PRKAB1: variants seen among roughly 807,000 people sequenced by gnomAD.
PRKAB1 encodes the protein 5'-AMP-activated protein kinase subunit beta-1.
In PRKAB1, 18 loss-of-function variants were observed where a neutral mutation model predicts 32.0. The observed-to-expected ratio is 0.56, with a 90% CI of 0.39 to 0.83. PRKAB1 has a LOEUF of 0.83. Among genes scored for constraint, PRKAB1 ranks in the 40% least tolerant of loss-of-function variants. The pLI is 0.00. For missense variants in PRKAB1, 263 were observed against 352.6 expected, an observed-to-expected ratio of 0.75 and a Z score of 2.03; for synonymous variants, 141 against 141.4, an observed-to-expected ratio of 1.00 and a Z score of 0.02.
Position 119,674,093 on chromosome 12 carries a change from C to T in PRKAB1, c.417+36C>T, listed in dbSNP as rs76843493. ...TCCCACCTCTGGTCCTCTGGGTGCC[C>T]GCACATTCCAAACAAATCACCTTCC... On this transcript the variant is annotated intron_variant, in intron 3 of 6. Transcript: ENST00000229328. This position sits in a 1 kb window ranked among gnomAD's most constrained non-coding sequence, Gnocchi z 4.3. 1.9e-3 allele frequency: 3,045 copies of T among 1,572,206 alleles called. 60 individuals carry two copies. In the African/African-American group the frequency reaches 0.038, roughly 19 times the overall value.
At chr12:119,671,262 A>G (rs1955386374) in intron 1 of PRKAB1, among the ~76,000 whole-genome samples, 1 of 152,242 alleles carries the variant, frequency 6.6e-6, no homozygotes, top group African/African-American at 2.4e-5. Context: ...ATGTACAGTC[A>G]TACATCACTT....
intron 2 of PRKAB1, among the ~76,000 whole-genome samples, chr12:119,672,934 A>G (rs1259064832): frequency 6.6e-6 from 1 of 152,232 alleles, no homozygotes; most frequent in Non-Finnish European, 1.5e-5. Flanking sequence ...ACTTTGTTTG[A>G]AAAGTACATG....
Position 119,674,294 on chromosome 12 carries a change from C to T in PRKAB1, c.418-46C>T, listed in dbSNP as rs278145. ...TTCCAAGTCCTCTGAAGAATAACTC[C>T]GCAGACCTTCCACGTTATGATTTCT... On this transcript the variant is annotated intron_variant, in intron 3 of 6. Transcript: ENST00000229328. The surrounding 1 kb of genome is among the most constrained non-coding windows in gnomAD (Gnocchi z 4.3). The T allele has an allele frequency of 0.29, 420,673 of 1,454,462 alleles. 64,837 individuals are homozygous for T. Among genetic ancestry groups the T allele is most frequent in the Non-Finnish European group, 0.32 (336,593 of 1,040,278 alleles). 90.1% of individuals were successfully genotyped at this position (1,454,462 alleles called of 1,614,324 possible).
In PRKAB1 at chr12:119,668,233, C is replaced by G; in HGVS notation, c.-12C>G. The G allele has an allele frequency of 6.4e-7, 1 of 1,570,094 alleles. No homozygotes were observed. Reference sequence around the variant, plus strand: ...GCCGTCCGCCTTCCCTGTGTCCCCGCAGACCCCCATCATGGGCAATACCAG... The same window carrying G: ...GCCGTCCGCCTTCCCTGTGTCCCCGGAGACCCCCATCATGGGCAATACCAG... On this transcript the variant is annotated 5_prime_UTR_variant, in exon 1 of 7. Transcript: ENST00000229328.
intron 1 of PRKAB1, 87 bp from the exon 2 acceptor site, chr12:119,672,214 A>G: frequency 7.5e-7 from 1 of 1,334,858 alleles, no homozygotes; most frequent in Non-Finnish European, 1.0e-6. Context: ...CAAGATAGTA[A>G]CAGCTGCGTC....
At chr12:119,672,931 T>G (rs903859989) in intron 2 of PRKAB1, among the ~76,000 whole-genome samples, 1 of 152,196 alleles carries the variant, frequency 6.6e-6, no homozygotes, top group Non-Finnish European at 1.5e-5. Flanking sequence ...AATACTTTGT[T>G]TGAAAAGTAC....
chr12:119,670,287 A>G lies in PRKAB1; in HGVS notation c.159+1884A>G, dbSNP rs188980065. 6.6e-5 allele frequency among the ~76,000 whole-genome samples: 10 copies of G among 152,318 alleles called. No individual in the cohort carries two copies. In the East Asian group the frequency reaches 1.9e-3, roughly 29 times the overall value. Reference sequence around the variant, plus strand: ...GCCCAACATACCCTGTTAGTATCCAATTTCATGTTAATCATCATCCATTTA... The same window carrying G: ...GCCCAACATACCCTGTTAGTATCCAGTTTCATGTTAATCATCATCCATTTA... On this transcript the variant is annotated intron_variant, in intron 1 of 6. Coordinates refer to ENST00000229328, the MANE Select transcript of PRKAB1 (RefSeq NM_006253.5).
intron 1 of PRKAB1, among the ~76,000 whole-genome samples, chr12:119,670,454 T>A (rs1955379061): frequency 6.6e-6 from 1 of 152,208 alleles, no homozygotes; most frequent in African/African-American, 2.4e-5. Flanking sequence ...TGGTTTGAAC[T>A]TGCTCTCTGA....
intron 1 of PRKAB1, 132 bp from the exon 2 acceptor site, chr12:119,672,169 G>A: frequency 1.1e-6 from 1 of 870,552 alleles, no homozygotes; most frequent in Non-Finnish European, 1.7e-6. Context: ...GGAAACTGAG[G>A]CACCACTAGT....
chr12:119,668,275 C>G lies in PRKAB1; in HGVS notation c.31C>G (p.Leu11Val), dbSNP rs749595403. 1 of 1,608,992 alleles carries G rather than the reference C, an allele frequency of 6.2e-7. No homozygotes were observed. Among genetic ancestry groups the G allele is most frequent in the Admixed American group, 1.7e-5 (1 of 58,654 alleles). Residue 11 changes from leucine (L) to valine (V), a missense_variant, in exon 1 of 7, where the codon CTG becomes GTG. Leu to Val is a conservative substitution (Grantham distance 32). Coordinates refer to ENST00000229328, the MANE Select transcript of PRKAB1 (RefSeq NM_006253.5). ...CAATACCAGCAGTGAGCGCGCCGCGCTGGAGCGGCATGGTGGCCATAAGAC... is the reference window on the plus strand; with the variant it reads ...CAATACCAGCAGTGAGCGCGCCGCGGTGGAGCGGCATGGTGGCCATAAGAC... MGNTSSERAALERHGGHKTPR... is the reference protein window; with the variant it reads MGNTSSERAAVERHGGHKTPR...
At chr12:119,669,270 A>G (rs1288181684) in intron 1 of PRKAB1, among the ~76,000 whole-genome samples, 1 of 115,174 alleles carries the variant, frequency 8.7e-6, no homozygotes, top group African/African-American at 3.5e-5. Flanking sequence ...GGTTCAGCCT[A>G]CTTTTTTTTT....
chr12:119,673,653 T>C (rs1030775889), intron 2 of PRKAB1, among the ~76,000 whole-genome samples: 1 of 152,226 alleles, frequency 6.6e-6, no homozygotes, highest in African/African-American at 2.4e-5. Context: ...TCATCCTCCT[T>C]GGCATCCAGG....
intron 1 of PRKAB1, among the ~76,000 whole-genome samples, chr12:119,669,186 C>T (rs1441982399): frequency 6.6e-6 from 1 of 151,834 alleles, no homozygotes; most frequent in Non-Finnish European, 1.5e-5. Context: ...GTCTCGAACT[C>T]CCGGGTTCAA....
rs1203499463 is a variant in PRKAB1, at chr12:119,674,135, G to A, written c.417+78G>A. 2 of 1,389,600 alleles carry A rather than the reference G, an allele frequency of 1.4e-6. No homozygotes were observed. The highest frequency in any genetic ancestry group is 4.6e-5 in the East Asian group (2 of 43,638). The allele number at this position is 1,389,600 out of a possible 1,614,324, so 86.1% of individuals were successfully genotyped here. On this transcript the variant is annotated intron_variant, in intron 3 of 6. Coordinates refer to ENST00000229328, the MANE Select transcript of PRKAB1 (RefSeq NM_006253.5). This position sits in a 1 kb window ranked among gnomAD's most constrained non-coding sequence, Gnocchi z 4.3. ...TCACCTTCCCAAGAGATTGCCGCTA[G>A]GTCCCTTTGCCCAGCTAGTAAAAGT...
At position 119,672,374 on chromosome 12, in the gene PRKAB1, G is replaced by A. The variant is rs371073735; in HGVS notation, c.233G>A (p.Arg78Gln). ...EVNDKAPAQARPTVFRWTGGG... is the reference protein window; with the variant it reads ...EVNDKAPAQAQPTVFRWTGGG... ...AATGATAAAGCTCCCGCCCAGGCTC[G>A]GCCAACGGTGTTTCGATGGACGGGG... Residue 78 changes from arginine to glutamine, a missense_variant, in exon 2 of 7, where the codon CGG becomes CAG. Coordinates refer to ENST00000229328, the MANE Select transcript of PRKAB1 (RefSeq NM_006253.5). 75 of 1,612,892 alleles carry A rather than the reference G, an allele frequency of 4.7e-5. No individual in the cohort carries two copies. In the South Asian group the frequency reaches 5.5e-4, roughly 12 times the overall value.
At chr12:119,678,199 A>G (rs1593332819) in intron 5 of PRKAB1, 1 of 152,256 alleles carries the variant, frequency 6.6e-6, no homozygotes, top group Non-Finnish European at 1.5e-5. Context: ...TGTCCAAGGT[A>G]GCACTAAGCT....
At position 119,674,464 on chromosome 12, in the gene PRKAB1, C is replaced by T. The variant is rs1241421621; in HGVS notation, c.532+10C>T. 1.3e-6 allele frequency: 2 copies of T among 1,579,096 alleles called. No homozygotes were observed. The highest frequency in any genetic ancestry group is 2.2e-5 in the South Asian group (2 of 90,350). On this transcript the variant is annotated intron_variant, in intron 4 of 6. Transcript: ENST00000229328. The surrounding 1 kb of genome is among the most constrained non-coding windows in gnomAD (Gnocchi z 4.3). The stretch of plus-strand genomic sequence containing the variant: ...TGCTCCGATGTGTCTGGTATGAACA[C>T]AGTTATTTTATACCACATGCGTGCA...
At position 119,674,322 on chromosome 12, in the gene PRKAB1, C is replaced by T; in HGVS notation, c.418-18C>T. 6.4e-7 allele frequency: 1 copy of T among 1,565,762 alleles called. No homozygotes were observed. Among genetic ancestry groups the T allele is most frequent in the African/African-American group, 1.4e-5 (1 of 73,944 alleles). ...AGACCTTCCACGTTATGATTTCTGCCTATCTGTCTCTTCCCAGCCCATAGT... is the reference window on the plus strand; with the variant it reads ...AGACCTTCCACGTTATGATTTCTGCTTATCTGTCTCTTCCCAGCCCATAGT... On this transcript the variant is annotated intron_variant, in intron 3 of 6. Coordinates refer to ENST00000229328, the MANE Select transcript of PRKAB1 (RefSeq NM_006253.5). The surrounding 1 kb of genome is among the most constrained non-coding windows in gnomAD (Gnocchi z 4.3).
At chr12:119,673,566 A>G (rs1026360760) in intron 2 of PRKAB1, among the ~76,000 whole-genome samples, 2 of 152,228 alleles carry the variant, frequency 1.3e-5, no homozygotes, top group Admixed American at 6.5e-5. Context: ...TGAGCTTCCT[A>G]TTCAATTGAT....
Sources: gnomAD v4.1 joint callset for allele counts (sites outside exome capture counted in the v4.1 genomes callset) on GRCh38, gnomAD v4.1.1 for gene constraint, Gnocchi (gnomAD v3.1) non-coding constraint, MANE v1.5 for transcripts, NCBI Gene and HGNC (gene_info 2026-07-23, HGNC 2026-07-21) for gene names.